The following ZNF704 variants were observed in gnomAD, a reference collection of about 807,000 sequenced individuals.
ZNF704 encodes zinc finger protein 704.
A neutral mutation model predicts 44.7 loss-of-function variants in ZNF704; 10 were observed. The observed-to-expected ratio is 0.22, with a 90% CI of 0.14 to 0.38. The LOEUF (loss-of-function observed/expected upper bound fraction) is 0.38. Among genes scored for constraint, ZNF704 ranks in the 10% least tolerant of loss-of-function variants. The pLI is 1.00. For synonymous variants in ZNF704, 211 were observed against 207.6 expected (o/e 1.02, Z -0.14); for missense variants, 390 against 545.5 (o/e 0.71, Z 2.84).
At chr8:80,871,558 A>G (rs988350199) in intron 1 of ZNF704, among the ~76,000 whole-genome samples, 2 of 152,234 alleles carry the variant, frequency 1.3e-5, no homozygotes, top group Non-Finnish European at 2.9e-5. Context: ...TTGCTTATGC[A>G]TGTACATCTG....
At chr8:80,696,926 T>A (rs1311734975) in intron 2 of ZNF704, among the ~76,000 whole-genome samples, 1 of 152,222 alleles carries the variant, frequency 6.6e-6, no homozygotes. Flanking sequence ...ACTTTTCCAT[T>A]TGTGGTGTCA....
chr8:80,756,956 CAT>C (rs1362793860), intron 2 of ZNF704, among the ~76,000 whole-genome samples: 2 of 152,222 alleles, frequency 1.3e-5, no homozygotes, highest in Non-Finnish European at 2.9e-5. Context: ...CAAGGAGACA[CAT>C]GAGTGGCCAG....
At chr8:80,757,288 C>A (rs983932704) in intron 2 of ZNF704, among the ~76,000 whole-genome samples, 1 of 151,820 alleles carries the variant, frequency 6.6e-6, no homozygotes, top group Non-Finnish European at 1.5e-5. Flanking sequence ...TAGGCCCAGG[C>A]TAATGTGTGT....
intron 7 of ZNF704, among the ~76,000 whole-genome samples, chr8:80,649,901 G>A (rs1817889374): frequency 6.6e-6 from 1 of 152,194 alleles, no homozygotes; most frequent in Non-Finnish European, 1.5e-5. Flanking sequence ...AGCCTAACTG[G>A]GAGGCATCCC....
intron 2 of ZNF704, among the ~76,000 whole-genome samples, chr8:80,790,082 T>C (rs148357885): frequency 1.1e-3 from 162 of 152,296 alleles, no homozygotes; most frequent in African/African-American, 3.6e-3. Context: ...GCATTTCCAG[T>C]GTGCTGTGTC....
chr8:80,792,638 C>T (rs973223675), intron 2 of ZNF704, among the ~76,000 whole-genome samples: 1 of 152,178 alleles, frequency 6.6e-6, no homozygotes, highest in African/African-American at 2.4e-5. Flanking sequence ...ACATGAGATC[C>T]TTTTAACACA....
Position 80,641,291 on chromosome 8 carries a change from C to T in ZNF704, c.*75G>A. On this transcript the variant is annotated 3_prime_UTR_variant, in exon 9 of 9. Coordinates refer to ENST00000327835, the MANE Select transcript of ZNF704 (RefSeq NM_001033723.3). Reference sequence around the variant, plus strand: ...ACTGTGTTTTATTCAGTAGGAAAAGCTCTTTCCAACACCTGCAGTGGCAGG... The same window carrying T: ...ACTGTGTTTTATTCAGTAGGAAAAGTTCTTTCCAACACCTGCAGTGGCAGG... The T allele has an allele frequency of 1.0e-6, 1 of 991,060 alleles. No homozygotes were observed. Among genetic ancestry groups the T allele is most frequent in the Non-Finnish European group, 1.5e-6 (1 of 672,122 alleles). The allele number at this position is 991,060 out of a possible 1,614,324, so 61.4% of individuals were successfully genotyped here.
chr8:80,805,274 G>C (rs893657689), intron 2 of ZNF704, among the ~76,000 whole-genome samples: 1 of 152,046 alleles, frequency 6.6e-6, no homozygotes, highest in Non-Finnish European at 1.5e-5. Flanking sequence ...CTGTAGCTCT[G>C]GGGAACATGG....
At position 80,665,014 on chromosome 8, in the gene ZNF704, G is replaced by C. The variant is rs1480715966; in HGVS notation, c.728C>G (p.Thr243Arg). ...DFYYTEIKLN[T>R]DSVADGLSSL... ...GCTCAGCCCGTCTGCCACTGAGTCTGTGTTGAGCTTGATCTCAGTGTAGTA... is the reference window on the plus strand; with the variant it reads ...GCTCAGCCCGTCTGCCACTGAGTCTCTGTTGAGCTTGATCTCAGTGTAGTA... Residue 243 changes from threonine (T) to arginine (R), a missense_variant, in exon 6 of 9, where the codon ACA becomes AGA. Physicochemically the swap from Thr to Arg is moderately conservative, Grantham distance 71. Around this residue, in one of 3 missense-constraint regions of ZNF704, gnomAD observed 305 missense variants for 435.7 expected, o/e 0.70. Coordinates refer to ENST00000327835, the MANE Select transcript of ZNF704 (RefSeq NM_001033723.3). 6.2e-7 allele frequency: 1 copy of C among 1,614,212 alleles called. No individual in the cohort carries two copies. The highest frequency in any genetic ancestry group is 8.5e-7 in the Non-Finnish European group (1 of 1,180,014).
At chr8:80,798,164 T>A (rs747570886) in intron 2 of ZNF704, among the ~76,000 whole-genome samples, 2 of 152,162 alleles carry the variant, frequency 1.3e-5, no homozygotes, top group Non-Finnish European at 2.9e-5. Context: ...AGCCAAGTTG[T>A]CAGTTTATAA....
chr8:80,878,227 T>A, upstream of ZNF704, among the ~76,000 whole-genome samples: 1 of 149,504 alleles, frequency 6.7e-6, no homozygotes, highest in East Asian at 2.0e-4. Context: ...ACATTTTTTT[T>A]ACATGTATCA....
intron 1 of ZNF704, among the ~76,000 whole-genome samples, chr8:80,838,046 G>A (rs1157480592): frequency 2.0e-5 from 3 of 152,006 alleles, no homozygotes; most frequent in South Asian, 2.1e-4. Context: ...TACTAGAGCC[G>A]ACCCTCATCT....
intron 2 of ZNF704, among the ~76,000 whole-genome samples, chr8:80,785,134 C>G (rs1807593698): frequency 6.6e-6 from 1 of 152,172 alleles, no homozygotes; most frequent in Admixed American, 6.5e-5. Context: ...CAGGCTCTTG[C>G]TGGCTGTGAT....
In ZNF704 at chr8:80,687,409, G is replaced by C. The variant is rs1801986354; in HGVS notation, c.375C>G (p.Thr125=). Residue 125 remains threonine (T), a synonymous_variant, in exon 4 of 9, where the codon ACC becomes ACG. Coordinates refer to ENST00000327835, the MANE Select transcript of ZNF704 (RefSeq NM_001033723.3). ...TCCAGCTCCAGTAGCCGCTGCTGCT[G>C]GTGCTGGAAGGCACGCAGCCGCCCT... ...WKEGGCVPSS[T]SSSGYWSWSA... The C allele has an allele frequency of 3.1e-6, 5 of 1,600,074 alleles. No homozygotes were observed. The highest frequency in any genetic ancestry group is 1.3e-5 in the African/African-American group (1 of 74,768).
chr8:80,636,797 T>C lies in ZNF704; in HGVS notation c.*4569A>G, dbSNP rs988682523. On this transcript the variant is annotated 3_prime_UTR_variant, in exon 9 of 9. Coordinates refer to ENST00000327835, the MANE Select transcript of ZNF704 (RefSeq NM_001033723.3). ...ACACAGGTCAGTGCTACAGAAGATG[T>C]GGTCGATAGCAATTCTACAGGGTCA... 1.3e-5 allele frequency: 2 copies of C among 152,228 alleles called. No homozygotes were observed. The highest frequency in any genetic ancestry group is 2.4e-5 in the African/African-American group (1 of 41,462). The allele number at this position is 152,228 out of a possible 1,614,324, so 9.4% of individuals were successfully genotyped here.
chr8:80,840,236 C>T (rs913764326), intron 1 of ZNF704, among the ~76,000 whole-genome samples: 4 of 152,318 alleles, frequency 2.6e-5, no homozygotes, highest in Admixed American at 6.5e-5. Flanking sequence ...GCCTGCGGGC[C>T]GCATGAGGTC....
At chr8:80,786,934 T>C (rs1026434352) in intron 2 of ZNF704, among the ~76,000 whole-genome samples, 9 of 152,360 alleles carry the variant, frequency 5.9e-5, no homozygotes, top group African/African-American at 2.2e-4. Flanking sequence ...CTGATTATTA[T>C]ACAAAAAGAA....
At position 80,670,602 on chromosome 8, in the gene ZNF704, T is replaced by C; in HGVS notation, c.560A>G (p.Asn187Ser). ...FDEPIPRKRKNSMKVMFKCLW... is the reference protein window; with the variant it reads ...FDEPIPRKRKSSMKVMFKCLW... ...GCATTTGAACATCACCTTCATGGAA[T>C]TCTGTAAAGGGGAGAGAGTGATATT... Residue 187 changes from asparagine to serine, a missense_variant and splice_region_variant, in exon 5 of 9, where the codon AAT (asparagine) becomes AGT (serine). Physicochemically the swap from Asn to Ser is conservative, Grantham distance 46. Coordinates refer to ENST00000327835, the MANE Select transcript of ZNF704 (RefSeq NM_001033723.3). The C allele has an allele frequency of 1.2e-6, 2 of 1,604,954 alleles. No homozygotes were observed. The highest frequency in any genetic ancestry group is 8.5e-7 in the Non-Finnish European group (1 of 1,171,654).
At chr8:80,691,773 C>T (rs868749321) in intron 3 of ZNF704, among the ~76,000 whole-genome samples, 14 of 152,208 alleles carry the variant, frequency 9.2e-5, no homozygotes, top group Middle Eastern at 3.2e-3. Context: ...GCCTATTAAA[C>T]ATGTTTCCTA....
Sources: allele counts gnomAD v4.1 joint callset (sites outside exome capture counted in the v4.1 genomes callset), GRCh38; gene constraint gnomAD v4.1.1; regional missense constraint gnomAD v4.1.1; transcripts MANE v1.5; gene names NCBI Gene and HGNC (gene_info 2026-07-23, HGNC 2026-07-21).